Variants in TAF3 observed in about 807,000 individuals in gnomAD.
TAF3 encodes TATA-box binding protein associated factor 3.
A neutral mutation model predicts 80.6 loss-of-function variants in TAF3; 7 were observed. The ratio of observed to expected loss-of-function variants is 0.09; its 90% CI spans 0.05 to 0.16. The LOEUF (loss-of-function observed/expected upper bound fraction) is 0.16, where lower values mean the gene tolerates loss of function less well. TAF3 is among the 10% of genes least tolerant of loss of function. The probability of loss-of-function intolerance (pLI) is 1.00; values close to 1 mark genes in which losing one functional copy is unlikely to be tolerated. For synonymous variants in TAF3, 444 were observed against 446.1 expected (o/e 1.00, Z 0.06); for missense variants, 921 against 1,140.2 (o/e 0.81, Z 2.77).
intron 4 of TAF3, among the ~76,000 whole-genome samples, chr10:7,988,963 G>A (rs1044134202): frequency 2.0e-5 from 3 of 151,974 alleles, no homozygotes; most frequent in Non-Finnish European, 2.9e-5. Flanking sequence ...AAAAAAATGT[G>A]TGTCCTATTT....
At chr10:7,915,961 G>C (rs1244796274) in intron 2 of TAF3, among the ~76,000 whole-genome samples, 5 of 150,462 alleles carry the variant, frequency 3.3e-5, no homozygotes, top group African/African-American at 1.2e-4. Context: ...CTGGGTGACA[G>C]AGTAAGACTG....
chr10:7,883,376 G>A (rs1000261221), intron 2 of TAF3, among the ~76,000 whole-genome samples: 5 of 152,146 alleles, frequency 3.3e-5, no homozygotes, highest in Admixed American at 6.5e-5. Flanking sequence ...CAGAAATACC[G>A]TAGACGGTGG....
chr10:7,893,012 G>T (rs978745944), intron 2 of TAF3, among the ~76,000 whole-genome samples: 10 of 151,886 alleles, frequency 6.6e-5, no homozygotes, highest in African/African-American at 2.2e-4. Flanking sequence ...TAGAGATGGG[G>T]TTTCTCCATG....
At chr10:7,854,393 T>C (rs959019726) in intron 2 of TAF3, among the ~76,000 whole-genome samples, 1 of 152,346 alleles carries the variant, frequency 6.6e-6, no homozygotes, top group South Asian at 2.1e-4. Flanking sequence ...CACACTGTTA[T>C]GCGAGCCGCA....
intron 2 of TAF3, among the ~76,000 whole-genome samples, chr10:7,921,130 A>C (rs1837758645): frequency 6.6e-6 from 1 of 151,880 alleles, no homozygotes; most frequent in South Asian, 2.1e-4. Context: ...CTGCAATGCC[A>C]TATTATATAT....
chr10:7,931,486 A>G (rs1837868885), intron 2 of TAF3, among the ~76,000 whole-genome samples: 1 of 152,200 alleles, frequency 6.6e-6, no homozygotes, highest in Admixed American at 6.5e-5. Context: ...GGGGAATTTC[A>G]GCCCATCATT....
At chr10:8,008,158 G>A (rs1832015541) in intron 4 of TAF3, among the ~76,000 whole-genome samples, 1 of 148,144 alleles carries the variant, frequency 6.8e-6, no homozygotes. Context: ...GTGCAGTGGC[G>A]AGATCTCGGC....
At chr10:7,902,315 C>T (rs374578457) in intron 2 of TAF3, among the ~76,000 whole-genome samples, 4 of 151,718 alleles carry the variant, frequency 2.6e-5, no homozygotes, top group South Asian at 2.1e-4. Context: ...CCCAACTACT[C>T]GGGAGGCTGA....
chr10:7,962,345 C>T (rs1831515644), intron 2 of TAF3, among the ~76,000 whole-genome samples: 2 of 152,108 alleles, frequency 1.3e-5, no homozygotes, highest in Admixed American at 1.3e-4. Context: ...TCCTTCAGTA[C>T]CCATCACCTC....
At chr10:7,892,477 C>G (rs1341915346) in intron 2 of TAF3, among the ~76,000 whole-genome samples, 1 of 152,142 alleles carries the variant, frequency 6.6e-6, no homozygotes. Flanking sequence ...CTGGGTTGCT[C>G]TAGTTTTTCT....
intron 4 of TAF3, among the ~76,000 whole-genome samples, chr10:7,983,564 T>G (rs1194706263): frequency 6.6e-6 from 1 of 152,210 alleles, no homozygotes; most frequent in Non-Finnish European, 1.5e-5. Flanking sequence ...GCTTTTGATT[T>G]AAAAACAACA....
intron 2 of TAF3, among the ~76,000 whole-genome samples, chr10:7,856,507 AAG>A (rs1446745345): frequency 6.6e-6 from 1 of 152,174 alleles, no homozygotes; most frequent in Non-Finnish European, 1.5e-5. Flanking sequence ...TAGATTTTAA[AAG>A]AGAAAAGATT....
chr10:7,955,714 C>T (rs1838128350), intron 2 of TAF3, among the ~76,000 whole-genome samples: 1 of 152,134 alleles, frequency 6.6e-6, no homozygotes, highest in African/African-American at 2.4e-5. Context: ...TAGAATTAAC[C>T]TCCCAAAAAT....
At chr10:7,889,422 A>G (rs192349367) in intron 2 of TAF3, among the ~76,000 whole-genome samples, 121 of 152,370 alleles carry the variant, frequency 7.9e-4, no homozygotes, top group South Asian at 1.7e-3. Flanking sequence ...GGCAAATACT[A>G]TTCACATCTG....
intron 2 of TAF3, among the ~76,000 whole-genome samples, chr10:7,925,884 T>G (rs1837810798): frequency 6.6e-6 from 1 of 151,832 alleles, no homozygotes; most frequent in Admixed American, 6.6e-5. Context: ...CTTGATTAAT[T>G]TAATTGAAGA....
chr10:7,964,068 T>C lies in TAF3; in HGVS notation c.558T>C (p.Ala186=), dbSNP rs745747619. ...LGKRPLDSPE[A]EELPAMKRPR... ...AGAGACCACTGGATAGTCCTGAAGC[T>C]GAAGAACTGCCAGCCATGAAGCGGC... Residue 186 remains alanine (A), a synonymous_variant, in exon 3 of 7, where the codon GCT becomes GCC. Coordinates refer to ENST00000344293, the MANE Select transcript of TAF3 (RefSeq NM_031923.4). This position sits in a 1 kb window ranked among gnomAD's most constrained non-coding sequence, Gnocchi z 4.1. The C allele has an allele frequency of 6.2e-7, 1 of 1,614,060 alleles. No individual in the cohort carries two copies. Among genetic ancestry groups the C allele is most frequent in the South Asian group, 1.1e-5 (1 of 91,068 alleles).
intron 2 of TAF3, among the ~76,000 whole-genome samples, chr10:7,878,276 T>A (rs969037212): frequency 7.9e-5 from 12 of 152,124 alleles, no homozygotes; most frequent in African/African-American, 2.9e-4. Context: ...AGTAGTAGAC[T>A]GGGTAAATAG....
intron 2 of TAF3, among the ~76,000 whole-genome samples, chr10:7,918,333 T>C (rs1837731624): frequency 6.6e-6 from 1 of 151,990 alleles, no homozygotes; most frequent in Non-Finnish European, 1.5e-5. Flanking sequence ...TGTGGGCCCA[T>C]TTGGAATGTA....
intron 2 of TAF3, among the ~76,000 whole-genome samples, chr10:7,827,607 C>G (rs1836755039): frequency 6.6e-6 from 1 of 152,018 alleles, no homozygotes; most frequent in Admixed American, 6.6e-5. Context: ...CAGTGAAACC[C>G]CGTCTCTACT....
Sources: gnomAD v4.1 joint callset for allele counts (sites outside exome capture counted in the v4.1 genomes callset) on GRCh38, gnomAD v4.1.1 for gene constraint, Gnocchi (gnomAD v3.1) non-coding constraint, MANE v1.5 for transcripts, NCBI Gene and HGNC (gene_info 2026-07-23, HGNC 2026-07-21) for gene names.